The following EXOC4 variants were observed in gnomAD, a reference collection of about 807,000 sequenced individuals.
EXOC4 encodes the protein exocyst complex component 4.
A neutral mutation model predicts 107.2 loss-of-function variants in EXOC4; 71 were observed. The ratio of observed to expected loss-of-function variants is 0.66; its 90% CI spans 0.55 to 0.81. The LOEUF is 0.81. EXOC4 is among the 30% of genes least tolerant of loss of function. The probability of loss-of-function intolerance (pLI) is 0.00; values close to 1 mark genes in which losing one functional copy is unlikely to be tolerated. For missense variants in EXOC4, 1,108 were observed against 1,189.6 expected (o/e 0.93, Z 1.01); for synonymous variants, 456 against 441.2 (o/e 1.03, Z -0.42).
chr7:133,366,048 CT>C (rs1300899013), intron 6 of EXOC4, among the ~76,000 whole-genome samples: 1 of 152,132 alleles, frequency 6.6e-6, no homozygotes, highest in African/African-American at 2.4e-5. Context: ...TTGTGTGTGT[CT>C]TTGCTTCGTG....
At chr7:134,092,318 C>CA in the EXOC4 span, among the ~76,000 whole-genome samples, 3 of 151,802 alleles carry the variant, frequency 2.0e-5, no homozygotes, top group African/African-American at 7.3e-5. Context: ...CAATTTTTAA[C>CA]AAAAAAACTT....
rs146875242 is a variant in EXOC4 at position 133,804,438 on chromosome 7, A to G, written c.1515-12887A>G. Among the ~76,000 whole-genome samples the G allele has an allele frequency of 3.4e-3, 525 of 152,294 alleles. 11 individuals are homozygous for G. In the East Asian group the frequency reaches 0.045, roughly 13 times the overall value. ...AAGTGATAGTAAACTTAAGAGTGTGATAAGAAATAATCATAAACTAAGTTC... is the reference window on the plus strand; with the variant it reads ...AAGTGATAGTAAACTTAAGAGTGTGGTAAGAAATAATCATAAACTAAGTTC... On this transcript the variant is annotated intron_variant, in intron 10 of 17. Coordinates refer to ENST00000253861, the MANE Select transcript of EXOC4 (RefSeq NM_021807.4).
chr7:134,019,206 A>G (rs1794974567), intron 17 of EXOC4, among the ~76,000 whole-genome samples: 1 of 152,244 alleles, frequency 6.6e-6, no homozygotes, highest in African/African-American at 2.4e-5. Flanking sequence ...CTGGGATTAC[A>G]GGCATGAGGC....
intron 14 of EXOC4, among the ~76,000 whole-genome samples, chr7:133,949,750 TTGC>T (rs1800645967): frequency 7.0e-6 from 1 of 143,080 alleles, no homozygotes; most frequent in Non-Finnish European, 1.5e-5. Flanking sequence ...TATTTAGTGT[TTGC>T]TAAGCTGATG....
intron 10 of EXOC4, among the ~76,000 whole-genome samples, chr7:133,794,922 C>T (rs35826934): frequency 0.012 from 1,776 of 152,096 alleles, 37 homozygotes; most frequent in African/African-American, 0.04. Flanking sequence ...AGGTATATCT[C>T]CTAATGCTAT....
At chr7:133,395,333 A>G (rs1184687633) in intron 7 of EXOC4, among the ~76,000 whole-genome samples, 2 of 152,178 alleles carry the variant, frequency 1.3e-5, no homozygotes, top group Non-Finnish European at 2.9e-5. Flanking sequence ...TTGTAGGATC[A>G]CTAATCACAG....
chr7:133,750,640 GCA>G lies in EXOC4; in HGVS notation c.1515-66682_1515-66681del, dbSNP rs1002312486. Among the ~76,000 whole-genome samples the G allele has an allele frequency of 2.0e-5, 3 of 151,774 alleles. No individual in the cohort carries two copies. The South Asian group carries it at 6.3e-4, about 32-fold the overall frequency. ...CTGTCTCCCAGGCTGGAGCACAGTG[GCA>G]CAGTCATGGCTCACTGCAACCCAAA... On this transcript the variant is annotated intron_variant, in intron 10 of 17. Transcript: ENST00000253861.
chr7:133,569,284 C>T (rs1800970043), intron 9 of EXOC4, among the ~76,000 whole-genome samples: 1 of 152,064 alleles, frequency 6.6e-6, no homozygotes, highest in Admixed American at 6.5e-5. Context: ...ATACTTTGTA[C>T]AGCCAATAAA....
chr7:133,444,102 C>T (rs1273319772), intron 7 of EXOC4, among the ~76,000 whole-genome samples: 1 of 152,082 alleles, frequency 6.6e-6, no homozygotes, highest in Admixed American at 6.6e-5. Flanking sequence ...AGCTCACTTT[C>T]TGATTGTGCA....
intron 14 of EXOC4, among the ~76,000 whole-genome samples, chr7:133,968,561 C>T (rs1440174218): frequency 2.6e-5 from 4 of 152,104 alleles, no homozygotes; most frequent in Admixed American, 6.5e-5. Flanking sequence ...TCAACATTTG[C>T]TTGTCTGTAA....
At chr7:133,332,931 TA>T (rs1452780314) in intron 5 of EXOC4, among the ~76,000 whole-genome samples, 2 of 152,198 alleles carry the variant, frequency 1.3e-5, no homozygotes, top group African/African-American at 4.8e-5. Flanking sequence ...TTTTAGATTT[TA>T]ACCTTAATTT....
At position 133,273,451 on chromosome 7, in the gene EXOC4, C is replaced by T. The variant is rs544489206; in HGVS notation, c.87-1531C>T. ...GGCTTTAAATCAAGTCTTGTGGTTC[C>T]CAGTAGTGTTCCTTTCCTGAGCATC... On this transcript the variant is annotated intron_variant, in intron 1 of 17. Transcript: ENST00000253861. 8.5e-5 allele frequency among the ~76,000 whole-genome samples: 13 copies of T among 152,238 alleles called. No individual in the cohort carries two copies. In the East Asian group the frequency reaches 2.5e-3, roughly 29 times the overall value.
chr7:134,063,305 AT>A (rs1310197390), intron 17 of EXOC4, among the ~76,000 whole-genome samples: 1 of 152,098 alleles, frequency 6.6e-6, no homozygotes, highest in African/African-American at 2.4e-5. Context: ...GTCCCACACC[AT>A]CCCCTCAGCA....
chr7:133,838,671 T>C (rs993092528), intron 11 of EXOC4, among the ~76,000 whole-genome samples: 3 of 152,234 alleles, frequency 2.0e-5, no homozygotes, highest in African/African-American at 4.8e-5. Context: ...ATAGCTATGC[T>C]GCAAGTCCAT....
At chr7:133,329,853 G>C (rs1357239800) in intron 5 of EXOC4, among the ~76,000 whole-genome samples, 1 of 152,188 alleles carries the variant, frequency 6.6e-6, no homozygotes, top group Admixed American at 6.5e-5. Context: ...TTTATGAGGT[G>C]TCTGTCGGCC....
intron 9 of EXOC4, among the ~76,000 whole-genome samples, chr7:133,571,289 G>A (rs1801018361): frequency 6.6e-6 from 1 of 152,194 alleles, no homozygotes; most frequent in African/African-American, 2.4e-5. Flanking sequence ...GGGAGCCAGT[G>A]AGTGTGGAAA....
chr7:133,727,071 T>C (rs550344676), intron 10 of EXOC4, among the ~76,000 whole-genome samples: 1 of 152,226 alleles, frequency 6.6e-6, no homozygotes, highest in Non-Finnish European at 1.5e-5. Flanking sequence ...TTATTGCCTG[T>C]CAGATTCAAG....
chr7:133,328,162 A>G (rs1170655792), intron 5 of EXOC4, among the ~76,000 whole-genome samples: 1 of 152,002 alleles, frequency 6.6e-6, no homozygotes, highest in African/African-American at 2.4e-5. Flanking sequence ...TTCTTGTTGA[A>G]TTGATCCCTT....
chr7:133,391,262 A>G (rs1344244121), intron 7 of EXOC4, among the ~76,000 whole-genome samples: 1 of 152,226 alleles, frequency 6.6e-6, no homozygotes, highest in African/African-American at 2.4e-5. Context: ...GACGGCTGTC[A>G]CCAATTGAAC....
Sources: gnomAD v4.1 joint callset for allele counts (sites outside exome capture counted in the v4.1 genomes callset) on GRCh38, gnomAD v4.1.1 for gene constraint, MANE v1.5 for transcripts, NCBI Gene and HGNC (gene_info 2026-07-23, HGNC 2026-07-21) for gene names.